The following MTSS1 variants were observed in gnomAD, a reference collection of about 807,000 sequenced individuals.
MTSS1 encodes the protein MTSS I-BAR domain containing 1.
In MTSS1, 18 loss-of-function variants were observed where a neutral mutation model predicts 79.0. That is an observed-to-expected ratio of 0.23 (90% CI 0.16 to 0.34). MTSS1 has a LOEUF of 0.34. MTSS1 is among the 10% of genes least tolerant of loss of function. MTSS1 has a pLI of 1.00. For synonymous variants in MTSS1, 341 were observed against 368.6 expected, an observed-to-expected ratio of 0.93 and a Z score of 0.86; for missense variants, 815 against 986.2, an observed-to-expected ratio of 0.83 and a Z score of 2.33.
intron 1 of MTSS1, among the ~76,000 whole-genome samples, chr8:124,716,929 T>C (rs1832091050): frequency 6.6e-6 from 1 of 151,568 alleles, no homozygotes; most frequent in Non-Finnish European, 1.5e-5. Context: ...AAAAAGTCCT[T>C]CGGGGGAAAT....
At chr8:124,603,580 T>C (rs1328461117) in intron 3 of MTSS1, among the ~76,000 whole-genome samples, 1 of 152,162 alleles carries the variant, frequency 6.6e-6, no homozygotes, top group Non-Finnish European at 1.5e-5. Flanking sequence ...CCCTTGGGCA[T>C]GGAGAGATGG....
At chr8:124,642,019 TC>T (rs1818147972) in intron 3 of MTSS1, among the ~76,000 whole-genome samples, 1 of 152,084 alleles carries the variant, frequency 6.6e-6, no homozygotes, top group African/African-American at 2.4e-5. Flanking sequence ...AAAAGATAAA[TC>T]ATTTACCCTT....
At chr8:124,581,227 G>A (rs1383347143) in intron 6 of MTSS1, among the ~76,000 whole-genome samples, 1 of 149,726 alleles carries the variant, frequency 6.7e-6, no homozygotes, top group African/African-American at 2.5e-5. Context: ...GCTGAGGCGG[G>A]AAGATCCCTG....
chr8:124,713,706 G>A (rs963795231), intron 1 of MTSS1, among the ~76,000 whole-genome samples: 8 of 152,036 alleles, frequency 5.3e-5, no homozygotes, highest in Non-Finnish European at 1.0e-4. Context: ...TTACAGGTAT[G>A]AGCCACTGCG....
chr8:124,662,606 CT>C (rs1275390618), intron 3 of MTSS1, among the ~76,000 whole-genome samples: 1 of 151,856 alleles, frequency 6.6e-6, no homozygotes, highest in Non-Finnish European at 1.5e-5. Context: ...GACATACGTA[CT>C]GTCAAACAGC....
intron 4 of MTSS1, 44 bp downstream of exon 4, chr8:124,591,107 A>G (rs1269385941): frequency 6.5e-7 from 1 of 1,530,904 alleles, no homozygotes; most frequent in African/African-American, 1.4e-5. Flanking sequence ...TTAACCTGAA[A>G]TCTGCAAGGG....
At chr8:124,701,505 CA>C (rs1829694446) in intron 2 of MTSS1, among the ~76,000 whole-genome samples, 1 of 152,178 alleles carries the variant, frequency 6.6e-6, no homozygotes, top group Non-Finnish European at 1.5e-5. Context: ...GAGTTGACAT[CA>C]AACACAAACC....
chr8:124,689,915 G>A (rs1387527834), intron 3 of MTSS1, among the ~76,000 whole-genome samples: 2 of 152,086 alleles, frequency 1.3e-5, no homozygotes, highest in African/African-American at 4.8e-5. Flanking sequence ...GCCAATCTAT[G>A]GGAAGCAAAG....
At chr8:124,716,218 G>A (rs1363345539) in intron 1 of MTSS1, among the ~76,000 whole-genome samples, 1 of 152,222 alleles carries the variant, frequency 6.6e-6, no homozygotes, top group African/African-American at 2.4e-5. Context: ...TTCCCAGAGT[G>A]AGGCAATGCC....
In MTSS1 at chr8:124,727,679, C is replaced by G; in HGVS notation, c.72+205G>C. On this transcript the variant is annotated intron_variant, in intron 1 of 13. Transcript: ENST00000518547. This position sits in a 1 kb window ranked among gnomAD's most constrained non-coding sequence, Gnocchi z 4.7. ...ATGGCGTGGGACAGCAGACACCCCC[C>G]AGAGAAGCCACCCGCCCAGTGACCC... 1 of 669,996 alleles carries G rather than the reference C, an allele frequency of 1.5e-6. No homozygotes were observed. Among genetic ancestry groups the G allele is most frequent in the Non-Finnish European group, 2.7e-6 (1 of 365,070 alleles). 41.5% of individuals were successfully genotyped at this position (669,996 alleles called of 1,614,324 possible). A position where few individuals can be genotyped will look rare whatever the true frequency, so the allele number is the denominator to read the frequency against.
chr8:124,584,406 T>A (rs1479242156), intron 6 of MTSS1, among the ~76,000 whole-genome samples: 1 of 152,242 alleles, frequency 6.6e-6, no homozygotes, highest in South Asian at 2.1e-4. Context: ...CATTTTTAGG[T>A]GGTAGTAAAA....
intron 3 of MTSS1, among the ~76,000 whole-genome samples, chr8:124,616,206 T>G (rs1423630720): frequency 6.6e-6 from 1 of 152,204 alleles, no homozygotes; most frequent in Non-Finnish European, 1.5e-5. Context: ...CGCTTCAGCA[T>G]GCAACAGACA....
intron 6 of MTSS1, among the ~76,000 whole-genome samples, chr8:124,569,101 T>C (rs1827201179): frequency 6.6e-6 from 1 of 152,174 alleles, no homozygotes; most frequent in Admixed American, 6.5e-5. Context: ...GTGGAGAGTC[T>C]TGAATGCTCT....
intron 3 of MTSS1, among the ~76,000 whole-genome samples, chr8:124,593,218 G>A (rs1262230691): frequency 6.6e-6 from 1 of 152,180 alleles, no homozygotes; most frequent in African/African-American, 2.4e-5. Flanking sequence ...TATTCCCCGG[G>A]AAATATTTCC....
chr8:124,627,603 C>T (rs908259180), intron 3 of MTSS1, among the ~76,000 whole-genome samples: 1 of 152,216 alleles, frequency 6.6e-6, no homozygotes, highest in Non-Finnish European at 1.5e-5. Context: ...AGGAGGGTGT[C>T]AGGAAGAATT....
Position 124,557,711 on chromosome 8 carries a change from C to T in MTSS1, c.1200G>A (p.Met400Ile). Residue 400 changes from methionine to isoleucine, a missense_variant, in exon 11 of 14, where the codon ATG becomes ATA. By Grantham distance (10) the Met-to-Ile change is conservative. Around this residue, in one of 2 missense-constraint regions of MTSS1, gnomAD observed 590 missense variants for 620.8 expected, o/e 0.95. Coordinates refer to ENST00000518547, the MANE Select transcript of MTSS1 (RefSeq NM_014751.6). ...AGCTAGGGATCTGAGATGACGGGAA[C>T]ATGCCGGGCCCAATGGTGTAATAAT... ...YAHYYTIGPGMFPSSQIPSWK... is the reference protein window; with the variant it reads ...YAHYYTIGPGIFPSSQIPSWK... The T allele has an allele frequency of 1.3e-6, 2 of 1,591,550 alleles. No homozygotes were observed. The highest frequency in any genetic ancestry group is 1.7e-6 in the Non-Finnish European group (2 of 1,168,916).
intron 3 of MTSS1, among the ~76,000 whole-genome samples, chr8:124,691,050 G>A (rs1022740538): frequency 3.3e-5 from 5 of 152,028 alleles, no homozygotes; most frequent in Non-Finnish European, 7.4e-5. Context: ...ATGGGGAATC[G>A]TAAGACAAAC....
At chr8:124,650,453 T>C (rs1261449725) in intron 3 of MTSS1, among the ~76,000 whole-genome samples, 1 of 152,192 alleles carries the variant, frequency 6.6e-6, no homozygotes, top group Non-Finnish European at 1.5e-5. Flanking sequence ...AGATCATCCA[T>C]ATATGGCGCA....
chr8:124,699,778 A>G (rs1829438251), intron 2 of MTSS1, among the ~76,000 whole-genome samples, 179 bp from the exon 3 acceptor site: 1 of 152,206 alleles, frequency 6.6e-6, no homozygotes, highest in Non-Finnish European at 1.5e-5. Context: ...CTCCACCCGA[A>G]TAATATCCAG....
Sources: allele counts gnomAD v4.1 joint callset (sites outside exome capture counted in the v4.1 genomes callset), GRCh38; gene constraint gnomAD v4.1.1; regional missense constraint gnomAD v4.1.1; non-coding constraint Gnocchi (gnomAD v3.1); transcripts MANE v1.5; gene names NCBI Gene and HGNC (gene_info 2026-07-23, HGNC 2026-07-21).